Variants in UPF2 observed in about 807,000 individuals in gnomAD.
The protein encoded by UPF2 is UPF2 regulator of nonsense mediated mRNA decay, also known as regulator of nonsense transcripts 2.
UPF2 carries 17 observed loss-of-function variants against 141.4 expected under a neutral mutation model. The observed-to-expected ratio is 0.12, with a 90% CI of 0.08 to 0.18. UPF2 has a LOEUF of 0.18. Among genes scored for constraint, UPF2 ranks in the 10% least tolerant of loss-of-function variants. The pLI is 1.00. For missense variants in UPF2, 1,152 were observed against 1,515.9 expected (o/e 0.76, Z 3.99); for synonymous variants, 540 against 498.0 (o/e 1.08, Z -1.12).
chr10:12,025,354 C>T (rs960003162), intron 3 of UPF2, among the ~76,000 whole-genome samples: 6 of 152,040 alleles, frequency 3.9e-5, no homozygotes, highest in East Asian at 3.9e-4. Context: ...AGTTTGAGAC[C>T]GGCATGGCCA....
chr10:11,993,868 G>C (rs1362908350), intron 8 of UPF2, among the ~76,000 whole-genome samples: 2 of 152,016 alleles, frequency 1.3e-5, no homozygotes, highest in East Asian at 3.8e-4. Context: ...TCATGCCTGT[G>C]GTCCCGGCTA....
chr10:11,938,880 T>TTTTTTTTTTTTTTTTTTTTTTTTC, intron 18 of UPF2, among the ~76,000 whole-genome samples: 1 of 120,298 alleles, frequency 8.3e-6, no homozygotes, highest in Non-Finnish European at 1.7e-5. Flanking sequence ...TTTTTTTTTT[T>TTTTTTTTTTTTTTTTTTTTTTTTC]TTGGAGACGG....
intron 15 of UPF2, among the ~76,000 whole-genome samples, chr10:11,951,813 T>C (rs569406662): frequency 1.3e-5 from 2 of 152,224 alleles, no homozygotes; most frequent in African/African-American, 4.8e-5. Flanking sequence ...GATTGTGGGT[T>C]TTTTTTCCCC....
chr10:11,994,886 G>C (rs574670229), intron 8 of UPF2, among the ~76,000 whole-genome samples: 1 of 145,308 alleles, frequency 6.9e-6, no homozygotes, highest in Non-Finnish European at 1.5e-5. Context: ...TGAGGCAGGA[G>C]AATGGCGTGA....
At chr10:11,975,169 G>A (rs1833486254) in intron 9 of UPF2, among the ~76,000 whole-genome samples, 1 of 152,278 alleles carries the variant, frequency 6.6e-6, no homozygotes, top group South Asian at 2.1e-4. Context: ...GCTAAAACAG[G>A]AGGATTGCGT....
At chr10:12,028,293 A>T (rs1348272911) in intron 3 of UPF2, among the ~76,000 whole-genome samples, 1 of 152,210 alleles carries the variant, frequency 6.6e-6, no homozygotes, top group Non-Finnish European at 1.5e-5. Context: ...TCTAATCTGA[A>T]ATACCACTGG....
chr10:11,942,731 A>G lies in UPF2; in HGVS notation c.3312T>C (p.His1104=), dbSNP rs146046143. The G allele has an allele frequency of 3.5e-5, 57 of 1,614,042 alleles. No homozygotes were observed. In the Admixed American group the frequency reaches 6.0e-4, roughly 17 times the overall value. Residue 1104 remains histidine, a synonymous_variant, in exon 18 of 22, where the codon CAT becomes CAC. Coordinates refer to ENST00000357604, the MANE Select transcript of UPF2 (RefSeq NM_015542.4). ...AGTCCTCATCTTCTACACAAGGTAC[A>G]TGCTTAAGTCCACCGCCTTTAATCA... The part of the protein sequence containing the change: ...EVMIKGGGLK[H]VPCVEDEDFI...
chr10:11,989,929 T>C (rs7091012), intron 8 of UPF2, among the ~76,000 whole-genome samples: 2 of 152,090 alleles, frequency 1.3e-5, no homozygotes, highest in East Asian at 1.9e-4. Context: ...TTTCAGAGGT[T>C]TGTTGTTCCT....
Position 11,920,969 on chromosome 10 carries a change from A to G in UPF2, c.*329T>C, listed in dbSNP as rs1316437686. 1.9e-5 allele frequency: 11 copies of G among 586,532 alleles called. No homozygotes were observed. The highest frequency in any genetic ancestry group is 7.6e-5 in the Admixed American group (4 of 52,302). 36.3% of individuals were successfully genotyped at this position (586,532 alleles called of 1,614,324 possible). ...CACAACCCGTTTCTTCTCTGGCTCA[A>G]TCATCTCCTTCACGCTCTCCTTGGT... On this transcript the variant is annotated 3_prime_UTR_variant, in exon 22 of 22. Coordinates refer to ENST00000357604, the MANE Select transcript of UPF2 (RefSeq NM_015542.4).
intron 18 of UPF2, among the ~76,000 whole-genome samples, chr10:11,938,861 T>TTTTTTTTG (rs1832893587): frequency 1.4e-5 from 1 of 72,992 alleles, no homozygotes; most frequent in Non-Finnish European, 2.5e-5. Context: ...TTGTTTTTTT[T>TTTTTTTTG]TTTTTTTTTT....
intron 9 of UPF2, among the ~76,000 whole-genome samples, chr10:11,971,541 C>T (rs1167998972): frequency 3.3e-5 from 5 of 152,044 alleles, no homozygotes; most frequent in Admixed American, 6.5e-5. Flanking sequence ...CGTGAGCCAC[C>T]GCGCCCGGTC....
chr10:12,008,016 G>C (rs1157712120), intron 4 of UPF2, among the ~76,000 whole-genome samples: 1 of 151,518 alleles, frequency 6.6e-6, no homozygotes, highest in Non-Finnish European at 1.5e-5. Context: ...CCAAGTAGCT[G>C]GGATTACAGG....
Position 12,042,192 on chromosome 10 carries a change from A to C in UPF2, c.-19+563T>G, listed in dbSNP as rs1018991555. Reference sequence around the variant, plus strand: ...GCTCTGGTGGTGTAGGAACCTCTAAACCCACCACACTTCCCCGACACAACT... The same window carrying C: ...GCTCTGGTGGTGTAGGAACCTCTAACCCCACCACACTTCCCCGACACAACT... On this transcript the variant is annotated intron_variant, in intron 1 of 21. Transcript: ENST00000357604. This position sits in a 1 kb window ranked among gnomAD's most constrained non-coding sequence, Gnocchi z 5.5. Among the ~76,000 whole-genome samples the C allele has an allele frequency of 6.7e-6, 1 of 148,500 alleles. No homozygotes were observed. The highest frequency in any genetic ancestry group is 2.5e-5 in the African/African-American group (1 of 40,000).
intron 15 of UPF2, among the ~76,000 whole-genome samples, chr10:11,949,367 A>C (rs1833045559): frequency 6.6e-6 from 1 of 152,200 alleles, no homozygotes; most frequent in Non-Finnish European, 1.5e-5. Flanking sequence ...ATGCACTTTC[A>C]AATCCCATCC....
intron 2 of UPF2, 30 bp from the exon 3 acceptor site, chr10:12,029,554 ACT>A (rs1834479020): frequency 1.3e-6 from 2 of 1,541,896 alleles, no homozygotes; most frequent in African/African-American, 1.4e-5. Context: ...TAAATAAAAT[ACT>A]CTCTACATTT....
intron 10 of UPF2, among the ~76,000 whole-genome samples, chr10:11,966,644 G>A (rs1001791467): frequency 6.6e-5 from 10 of 152,072 alleles, no homozygotes; most frequent in Admixed American, 1.3e-4. Context: ...GGCTGGTCTC[G>A]AACTCCCGAT....
At chr10:11,933,730 C>G (rs1251959027) in intron 19 of UPF2, among the ~76,000 whole-genome samples, 1 of 152,142 alleles carries the variant, frequency 6.6e-6, no homozygotes, top group African/African-American at 2.4e-5. Context: ...TTTTCAATTC[C>G]TACACGTTCT....
Position 11,993,064 on chromosome 10 carries a change from C to T in UPF2, c.1844+4608G>A, listed in dbSNP as rs527625578. Among the ~76,000 whole-genome samples, 15 of 147,814 alleles carry T rather than the reference C, an allele frequency of 1.0e-4. No individual in the cohort carries two copies. The East Asian group carries it at 2.9e-3, about 28-fold the overall frequency. On this transcript the variant is annotated intron_variant, in intron 8 of 21. Coordinates refer to ENST00000357604, the MANE Select transcript of UPF2 (RefSeq NM_015542.4). ...ACATGTGAGGCTTAGGTGGGAGAAT[C>T]GCTTGGACCCAGGAGGTGGAGGTTG...
At position 12,001,781 on chromosome 10, in the gene UPF2, C is replaced by A. The variant is rs372035265; in HGVS notation, c.1549G>T (p.Asp517Tyr). 40 of 1,612,024 alleles carry A rather than the reference C, an allele frequency of 2.5e-5. No homozygotes were observed. Among genetic ancestry groups the A allele is most frequent in the Admixed American group, 5.0e-5 (3 of 59,784 alleles). The stretch of plus-strand genomic sequence containing the variant: ...AGATTCTCCAACTCAAGTTCCAAAT[C>A]ATCGGGACTTGATACCTCCTTATTC... ...KENKEVSSPD[D>Y]LELELENLEI... The change falls in exon 6 of 22, where the codon GAT becomes TAT. Residue 517 changes from aspartate to tyrosine, a missense_variant. Around this residue, in one of 4 missense-constraint regions of UPF2, gnomAD observed 739 missense variants for 1,032.2 expected, o/e 0.72. Transcript: ENST00000357604.
Sources: gnomAD v4.1 joint callset for allele counts (sites outside exome capture counted in the v4.1 genomes callset) on GRCh38, gnomAD v4.1.1 for gene constraint, gnomAD v4.1.1 regional missense constraint, Gnocchi (gnomAD v3.1) non-coding constraint, MANE v1.5 for transcripts, NCBI Gene and HGNC (gene_info 2026-07-23, HGNC 2026-07-21) for gene names.